Variants in PLEKHH2 observed in about 807,000 individuals in gnomAD.
PLEKHH2 encodes the protein pleckstrin homology domain-containing family H member 2.
PLEKHH2 carries 129 observed loss-of-function variants against 187.9 expected under a neutral mutation model. That is an observed-to-expected ratio of 0.69 (90% CI 0.59 to 0.79). The LOEUF (loss-of-function observed/expected upper bound fraction) is 0.79. Ranked by LOEUF, PLEKHH2 falls within the 30% of genes least tolerant of loss-of-function variation. PLEKHH2 has a pLI of 0.00. For missense variants in PLEKHH2, 2,076 were observed against 1,751.2 expected (o/e 1.19, Z -3.31); for synonymous variants, 686 against 605.6 (o/e 1.13, Z -1.95).
intron 20 of PLEKHH2, among the ~76,000 whole-genome samples, chr2:43,740,423 C>T (rs1344360253): frequency 2.0e-5 from 3 of 152,060 alleles, no homozygotes; most frequent in Non-Finnish European, 4.4e-5. Flanking sequence ...AAGGAGAATA[C>T]AGAACAGAGC....
intron 3 of PLEKHH2, among the ~76,000 whole-genome samples, chr2:43,690,170 G>A (rs10193748): frequency 0.022 from 3,372 of 152,274 alleles, 137 homozygotes; most frequent in African/African-American, 0.076. Context: ...TAAGATTACT[G>A]TTCAGCTGTC....
At position 43,729,699 on chromosome 2, in the gene PLEKHH2, A is replaced by G; in HGVS notation, c.2784A>G (p.Glu928=). ...AGSNNVNVGS[E]FEQLVCKLLN... ...GCAACAATGTAAACGTTGGATCTGA[A>G]TTTGAACAACTGGTTTGCAAATTGC... The change falls in exon 18 of 30, where the codon GAA becomes GAG. Residue 928 remains glutamate, a synonymous_variant. Transcript: ENST00000282406. 6.2e-7 allele frequency: 1 copy of G among 1,609,890 alleles called. No homozygotes were observed. The highest frequency in any genetic ancestry group is 8.5e-7 in the Non-Finnish European group (1 of 1,178,732).
At chr2:43,744,675 C>T (rs923036001) in intron 23 of PLEKHH2, among the ~76,000 whole-genome samples, 1 of 151,756 alleles carries the variant, frequency 6.6e-6, no homozygotes. Context: ...TGAGACCAGC[C>T]TGGGCAGCAT....
rs148292692 is a variant in PLEKHH2, at chr2:43,682,939, T to TACAC, written c.186+4034_186+4037dup. Among the ~76,000 whole-genome samples the TACAC allele has an allele frequency of 3.6e-3, 534 of 149,836 alleles. 3 individuals carry two copies. Among genetic ancestry groups the TACAC allele is most frequent in the Middle Eastern group, 0.021 (6 of 292 alleles). On this transcript the variant is annotated intron_variant, in intron 3 of 29. Transcript: ENST00000282406. ...TTATGGCTGAATAATGTTCCATATATACACACACACACACACACACACAAT... is the reference window on the plus strand; with the variant it reads ...TTATGGCTGAATAATGTTCCATATATACACACACACACACACACACACACACAAT...
intron 8 of PLEKHH2, among the ~76,000 whole-genome samples, chr2:43,701,030 G>C (rs1572580716): frequency 6.6e-6 from 1 of 151,788 alleles, no homozygotes; most frequent in East Asian, 2.1e-4. Context: ...CCCTCACTGA[G>C]TTCTGAATCA....
chr2:43,720,548 G>C, intron 15 of PLEKHH2, 121 bp from the exon 16 acceptor site: 1 of 1,475,722 alleles, frequency 6.8e-7, no homozygotes, highest in Non-Finnish European at 9.1e-7. Context: ...AATCTATTTG[G>C]AATATCACTT....
At chr2:43,742,543 A>G (rs1328472222) in intron 21 of PLEKHH2, among the ~76,000 whole-genome samples, 198 bp from the exon 22 acceptor site, 1 of 152,174 alleles carries the variant, frequency 6.6e-6, no homozygotes, top group Middle Eastern at 3.2e-3. Flanking sequence ...GGGAGGTTTG[A>G]GTGAGGCAGT....
intron 24 of PLEKHH2, among the ~76,000 whole-genome samples, chr2:43,750,725 T>A (rs1671976815): frequency 6.6e-6 from 1 of 152,200 alleles, no homozygotes; most frequent in African/African-American, 2.4e-5. Flanking sequence ...CCTAAGACTA[T>A]GAAAGGGAAT....
At chr2:43,695,789 C>A (rs17031289) in intron 6 of PLEKHH2, among the ~76,000 whole-genome samples, 38,417 of 152,016 alleles carry the variant, frequency 0.25, 5,287 homozygotes, top group Middle Eastern at 0.37. Context: ...TGAATTTTGG[C>A]CTTAGAGAAT....
intron 2 of PLEKHH2, among the ~76,000 whole-genome samples, chr2:43,650,934 C>A (rs144535219): frequency 0.014 from 2,111 of 151,918 alleles, 53 homozygotes; most frequent in African/African-American, 0.049. Flanking sequence ...CATGAGCCAC[C>A]GCGCCTGGCC....
intron 2 of PLEKHH2, chr2:43,675,841 G>A (rs1297881575): frequency 1.9e-6 from 3 of 1,613,992 alleles, no homozygotes; most frequent in South Asian, 1.1e-5. Context: ...GGGCTGGGAT[G>A]CATCCCTTGT....
At chr2:43,757,373 A>AT (rs1327224226) in intron 26 of PLEKHH2, 109 bp downstream of exon 26, 27 of 897,392 alleles carry the variant, frequency 3.0e-5, no homozygotes, top group East Asian at 2.1e-4. Flanking sequence ...CTTTCTCAAG[A>AT]TTTTTTTAAC....
intron 8 of PLEKHH2, among the ~76,000 whole-genome samples, 164 bp from the exon 9 acceptor site, chr2:43,703,817 G>A (rs1048869184): frequency 6.6e-6 from 1 of 151,732 alleles, no homozygotes; most frequent in Non-Finnish European, 1.5e-5. Flanking sequence ...ATTCACAATG[G>A]CATATTTTAG....
chr2:43,737,279 C>G (rs1671338343), intron 19 of PLEKHH2, among the ~76,000 whole-genome samples: 2 of 152,106 alleles, frequency 1.3e-5, no homozygotes, highest in African/African-American at 4.8e-5. Context: ...TGCATCCAGT[C>G]AAAGATCACC....
chr2:43,681,849 G>A (rs1179942143), intron 3 of PLEKHH2, among the ~76,000 whole-genome samples: 2 of 152,166 alleles, frequency 1.3e-5, no homozygotes, highest in Non-Finnish European at 2.9e-5. Flanking sequence ...TAATTTTATA[G>A]GGTAGAGTAA....
chr2:43,680,641 G>A, intron 3 of PLEKHH2: 1 of 302,220 alleles, frequency 3.3e-6, no homozygotes, highest in South Asian at 3.4e-5. Flanking sequence ...TTTGGAAGTT[G>A]CAGTGTCTGT....
intron 24 of PLEKHH2, among the ~76,000 whole-genome samples, chr2:43,746,533 T>TACAC (rs10535859): frequency 8.0e-5 from 12 of 150,274 alleles, no homozygotes; most frequent in Non-Finnish European, 1.5e-4. Context: ...AAACAAAAAA[T>TACAC]ACACACACAC....
intron 1 of PLEKHH2, among the ~76,000 whole-genome samples, chr2:43,642,415 G>A (rs1665983162): frequency 6.6e-6 from 1 of 152,090 alleles, no homozygotes; most frequent in Non-Finnish European, 1.5e-5. Context: ...TCTGTAAGTA[G>A]AGATAGTTTT....
At chr2:43,698,305 T>A (rs1445336888) in intron 7 of PLEKHH2, among the ~76,000 whole-genome samples, 2 of 151,380 alleles carry the variant, frequency 1.3e-5, no homozygotes, top group African/African-American at 4.9e-5. Flanking sequence ...CGGAGTGCAG[T>A]GGCACGATCA....
Sources: allele counts gnomAD v4.1 joint callset (sites outside exome capture counted in the v4.1 genomes callset), GRCh38; gene constraint gnomAD v4.1.1; transcripts MANE v1.5; gene names NCBI Gene and HGNC (gene_info 2026-07-23, HGNC 2026-07-21).